MTMR3: variants seen among roughly 807,000 people sequenced by gnomAD.
MTMR3 encodes phosphatidylinositol-3,5-bisphosphate 3-phosphatase MTMR3.
Under a neutral mutation model 132.4 loss-of-function variants are expected in MTMR3, and 32 were observed. The ratio of observed to expected loss-of-function variants is 0.24; its 90% confidence interval spans 0.18 to 0.32. The LOEUF (loss-of-function observed/expected upper bound fraction) is 0.32, where lower values mean the gene tolerates loss of function less well. MTMR3 is among the 10% of genes least tolerant of loss of function. MTMR3 has a pLI of 1.00. For missense variants in MTMR3, 1,216 were observed against 1,489.6 expected (o/e 0.82, Z 3.02); for synonymous variants, 556 against 550.3 (o/e 1.01, Z -0.14).
chr22:29,935,888 G>A (rs901442866), intron 1 of MTMR3, among the ~76,000 whole-genome samples: 1 of 152,038 alleles, frequency 6.6e-6, no homozygotes, highest in African/African-American at 2.4e-5. Flanking sequence ...GAGTAGCTGG[G>A]ACTATAGGCG....
chr22:29,926,222 C>A (rs1004655030), intron 1 of MTMR3, among the ~76,000 whole-genome samples: 1 of 152,160 alleles, frequency 6.6e-6, no homozygotes, highest in African/African-American at 2.4e-5. Flanking sequence ...ATTATCAGTA[C>A]TTAATTCCTT....
intron 9 of MTMR3, chr22:30,004,706 T>G (rs1410201166): frequency 6.6e-6 from 1 of 152,238 alleles, no homozygotes; most frequent in Non-Finnish European, 1.5e-5. Flanking sequence ...ACATGTGTCT[T>G]GTATCGCTGA....
chr22:29,970,309 A>T (rs1216650407), intron 2 of MTMR3, among the ~76,000 whole-genome samples: 1 of 152,106 alleles, frequency 6.6e-6, no homozygotes, highest in Non-Finnish European at 1.5e-5. Context: ...ATACTACAAG[A>T]ATAATGATTT....
chr22:29,943,823 T>C (rs979036097), intron 1 of MTMR3, among the ~76,000 whole-genome samples: 1 of 140,244 alleles, frequency 7.1e-6, no homozygotes, highest in Non-Finnish European at 1.6e-5. Context: ...CAACTTTTTT[T>C]TTTCTTTCTT....
At chr22:29,975,758 A>G (rs766017398) in intron 3 of MTMR3, among the ~76,000 whole-genome samples, 8 of 152,154 alleles carry the variant, frequency 5.3e-5, no homozygotes, top group Non-Finnish European at 1.0e-4. Context: ...GGCATGCGCC[A>G]CTGTGCCCAT....
At chr22:29,922,030 C>T (rs1292821492) in intron 1 of MTMR3, among the ~76,000 whole-genome samples, 1 of 142,012 alleles carries the variant, frequency 7.0e-6, no homozygotes, top group Non-Finnish European at 1.5e-5. Flanking sequence ...TATATCATGT[C>T]TTTTTTTTTT....
At chr22:30,005,797 G>C (rs1025893016) in intron 9 of MTMR3, 3 of 152,072 alleles carry the variant, frequency 2.0e-5, no homozygotes, top group Non-Finnish European at 4.4e-5. Context: ...CCATTCACAG[G>C]GCACCCAGCC....
intron 1 of MTMR3, among the ~76,000 whole-genome samples, chr22:29,943,409 G>A (rs1198985283): frequency 1.3e-5 from 2 of 152,056 alleles, no homozygotes; most frequent in African/African-American, 2.4e-5. Flanking sequence ...TAGCCAGGAT[G>A]GTCTCGATCT....
In MTMR3 at chr22:29,897,088, CT is replaced by C. The variant is rs941506894; in HGVS notation, c.-138+13739del. On this transcript the variant is annotated intron_variant, in intron 1 of 19. Transcript: ENST00000401950. ...TTTTCTTTTTCTTTTTCTTTTTTTTCTTTTTTTTTTGAGTTGGAGTCTCGCT... is the reference window on the plus strand; with the variant it reads ...TTTTCTTTTTCTTTTTCTTTTTTTTCTTTTTTTTTGAGTTGGAGTCTCGCT... 6.1e-3 allele frequency among the ~76,000 whole-genome samples: 880 copies of C among 144,722 alleles called. 1 individual carries two copies. The highest frequency in any genetic ancestry group is 0.014 in the Middle Eastern group (4 of 286). The allele number at this position is 144,722 out of a possible 152,430, so 94.9% of individuals were successfully genotyped here. A position where few individuals can be genotyped will look rare whatever the true frequency, so the allele number is the denominator to read the frequency against.
chr22:29,909,982 C>T (rs1293383198), intron 1 of MTMR3, among the ~76,000 whole-genome samples: 2 of 151,860 alleles, frequency 1.3e-5, no homozygotes, highest in African/African-American at 4.8e-5. Context: ...GGTGAAACCC[C>T]GTCTCTACTA....
At chr22:29,978,292 T>C (rs9306468) in intron 3 of MTMR3, 150 bp from the exon 4 acceptor site, 142,751 of 521,510 alleles carry the variant, frequency 0.27, 23,814 homozygotes, top group Non-Finnish European at 0.36. Context: ...AGAAAAACTT[T>C]TTAAGATCAA....
At chr22:29,895,072 G>A (rs1000777173) in intron 1 of MTMR3, among the ~76,000 whole-genome samples, 7 of 152,162 alleles carry the variant, frequency 4.6e-5, no homozygotes, top group African/African-American at 1.4e-4. Flanking sequence ...ACGGGGCGCG[G>A]TGGTGGGCAT....
chr22:29,991,693 A>G, intron 7 of MTMR3, 23 bp downstream of exon 7: 1 of 1,560,076 alleles, frequency 6.4e-7, no homozygotes, highest in Non-Finnish European at 8.7e-7. Context: ...GAAATGTGCA[A>G]ATGGCCAGGG....
intron 1 of MTMR3, among the ~76,000 whole-genome samples, chr22:29,951,240 A>T (rs1466098307): frequency 6.6e-6 from 1 of 152,186 alleles, no homozygotes; most frequent in Admixed American, 6.5e-5. Flanking sequence ...ATTCTTAAAA[A>T]TTTAATTTTT....
At chr22:30,005,003 C>T (rs993843399) in intron 9 of MTMR3, 6 of 152,234 alleles carry the variant, frequency 3.9e-5, no homozygotes, top group Non-Finnish European at 8.8e-5. Context: ...ATTGCTCTAA[C>T]ATAGCAAGAT....
chr22:29,907,784 GTAT>G (rs2065132258), intron 1 of MTMR3, among the ~76,000 whole-genome samples: 1 of 152,116 alleles, frequency 6.6e-6, no homozygotes, highest in African/African-American at 2.4e-5. Flanking sequence ...ATGTGTATCT[GTAT>G]CTTTTTTTTT....
chr22:30,025,074 GCTAC>G (rs2067879033), intron 19 of MTMR3: 1 of 158,322 alleles, frequency 6.3e-6, no homozygotes, highest in Admixed American at 6.0e-5. Flanking sequence ...TGCATCACAG[GCTAC>G]TTGTCCCTGG....
chr22:29,898,621 C>T (rs1276449077), intron 1 of MTMR3, among the ~76,000 whole-genome samples: 2 of 152,218 alleles, frequency 1.3e-5, no homozygotes, highest in Admixed American at 6.5e-5. Context: ...CAGGCTGCCT[C>T]GAACTCCTGG....
At chr22:30,018,119 T>G (rs2067645591) in intron 16 of MTMR3, 47 bp downstream of exon 16, 1 of 1,545,844 alleles carries the variant, frequency 6.5e-7, no homozygotes, top group South Asian at 1.2e-5. Flanking sequence ...TGTGGGTGTA[T>G]TCCTGTGTTG....
Sources: allele counts gnomAD v4.1 joint callset (sites outside exome capture counted in the v4.1 genomes callset), GRCh38; gene constraint gnomAD v4.1.1; transcripts MANE v1.5; gene names NCBI Gene and HGNC (gene_info 2026-07-23, HGNC 2026-07-21).